The following PHAX variants were observed in gnomAD, a reference collection of about 807,000 sequenced individuals.
The protein encoded by PHAX is phosphorylated adaptor for RNA export.
A neutral mutation model predicts 41.6 loss-of-function variants in PHAX; 31 were observed. The ratio of observed to expected loss-of-function variants is 0.75; its 90% CI spans 0.56 to 1.01. The LOEUF is 1.01. Ranked by LOEUF, PHAX falls within the 50% of genes least tolerant of loss-of-function variation. PHAX has a pLI of 0.00. For missense variants in PHAX, 453 were observed against 472.9 expected (o/e 0.96, Z 0.39); for synonymous variants, 175 against 164.9 (o/e 1.06, Z -0.47).
At position 126,603,767 on chromosome 5, in the gene PHAX, G is replaced by A. The variant is rs936185718; in HGVS notation, c.294G>A (p.Gln98=). The change falls in exon 2 of 5, where the codon CAG becomes CAA. Residue 98 remains glutamine, a synonymous_variant. Transcript: ENST00000297540. The part of the protein sequence containing the change: ...FNPPPKPEPF[Q]FGQSSQKPPV... ...CTCCTCCCAAACCAGAGCCTTTTCA[G>A]TTTGGCCAGAGCAGTCAGAAACCAC... 6.2e-7 allele frequency: 1 copy of A among 1,614,162 alleles called. No homozygotes were observed. Among genetic ancestry groups the A allele is most frequent in the Non-Finnish European group, 8.5e-7 (1 of 1,180,042 alleles).
intron 3 of PHAX, among the ~76,000 whole-genome samples, chr5:126,613,216 G>A (rs1320044449): frequency 6.6e-6 from 1 of 152,086 alleles, no homozygotes; most frequent in African/African-American, 2.4e-5. Context: ...GGGTGTGGTG[G>A]CATGTGCCTG....
chr5:126,602,857 T>C (rs1443108215), intron 1 of PHAX, among the ~76,000 whole-genome samples: 1 of 151,818 alleles, frequency 6.6e-6, no homozygotes, highest in East Asian at 1.9e-4. Context: ...ACAAAAAAAT[T>C]AGCTGGGCGT....
intron 1 of PHAX, among the ~76,000 whole-genome samples, chr5:126,602,315 G>T (rs530830586): frequency 1.3e-5 from 2 of 152,252 alleles, no homozygotes; most frequent in Non-Finnish European, 2.9e-5. Flanking sequence ...CTTTGAGAGG[G>T]CGTTGGTGCC....
Position 126,624,747 on chromosome 5 carries a change from C to G in PHAX, c.1088C>G (p.Ala363Gly), listed in dbSNP as rs1752321257. ...TFASDTNEALASLDESQEGHA... is the reference protein window; with the variant it reads ...TFASDTNEALGSLDESQEGHA... ...GCAAGTGACACGAATGAGGCCTTGG[C>G]CTCTCTTGATGAGTCACAGGAAGGA... Residue 363 changes from alanine to glycine, a missense_variant, in exon 5 of 5, where the codon GCC (alanine) becomes GGC (glycine). Coordinates refer to ENST00000297540, the MANE Select transcript of PHAX (RefSeq NM_032177.4). 6.2e-7 allele frequency: 1 copy of G among 1,614,144 alleles called. No homozygotes were observed. The highest frequency in any genetic ancestry group is 2.2e-5 in the East Asian group (1 of 44,880).
chr5:126,604,272 T>C (rs1452829749), intron 2 of PHAX, 89 bp downstream of exon 2: 2 of 1,096,958 alleles, frequency 1.8e-6, no homozygotes, highest in African/African-American at 1.9e-5. Flanking sequence ...AATGATATGT[T>C]CCTTTTTTTT....
intron 3 of PHAX, among the ~76,000 whole-genome samples, chr5:126,615,203 A>C (rs1388202364): frequency 6.6e-6 from 1 of 152,178 alleles, no homozygotes; most frequent in South Asian, 2.1e-4. Context: ...TCCAGTGAAT[A>C]GTTATATCAT....
chr5:126,603,022 A>C (rs1751927978), intron 1 of PHAX, among the ~76,000 whole-genome samples: 1 of 145,120 alleles, frequency 6.9e-6, no homozygotes, highest in South Asian at 2.3e-4. Context: ...AAAAAAAAAA[A>C]TACATGCCCA....
intron 3 of PHAX, among the ~76,000 whole-genome samples, chr5:126,613,533 CT>C (rs747086782): frequency 2.0e-4 from 31 of 151,976 alleles, no homozygotes; most frequent in Non-Finnish European, 4.0e-4. Flanking sequence ...CAAAAATTAG[CT>C]GTATGTTGTG....
At chr5:126,615,532 C>A (rs1561681724) in intron 3 of PHAX, among the ~76,000 whole-genome samples, 1 of 147,578 alleles carries the variant, frequency 6.8e-6, no homozygotes, top group African/African-American at 2.6e-5. Context: ...TTTTTGCGCC[C>A]CTCTGGGGAT....
At position 126,624,937 on chromosome 5, in the gene PHAX, C is replaced by A; in HGVS notation, c.*93C>A. On this transcript the variant is annotated 3_prime_UTR_variant, in exon 5 of 5. Transcript: ENST00000297540. ...GATTGCAACGTTTTGCACTGATAAACATGAGAATCTGGAGGAAAGACAATT... is the reference window on the plus strand; with the variant it reads ...GATTGCAACGTTTTGCACTGATAAAAATGAGAATCTGGAGGAAAGACAATT... The A allele has an allele frequency of 9.1e-7, 1 of 1,103,872 alleles. No homozygotes were observed. Among genetic ancestry groups the A allele is most frequent in the Non-Finnish European group, 1.3e-6 (1 of 772,086 alleles). The allele number at this position is 1,103,872 out of a possible 1,614,324, so 68.4% of individuals were successfully genotyped here. A position where few individuals can be genotyped will look rare whatever the true frequency, so the allele number is the denominator to read the frequency against.
In PHAX at chr5:126,624,966, T is replaced by C. The variant is rs553622473; in HGVS notation, c.*122T>C. 151 of 880,604 alleles carry C rather than the reference T, an allele frequency of 1.7e-4. No homozygotes were observed. The highest frequency in any genetic ancestry group is 2.6e-4 in the Non-Finnish European group (150 of 583,642). 54.5% of individuals were successfully genotyped at this position (880,604 alleles called of 1,614,324 possible). ...AGAATCTGGAGGAAAGACAATTGTT[T>C]TCTTGTTTAAAATATGTGTGGAAAG... On this transcript the variant is annotated 3_prime_UTR_variant, in exon 5 of 5. Coordinates refer to ENST00000297540, the MANE Select transcript of PHAX (RefSeq NM_032177.4).
intron 2 of PHAX, among the ~76,000 whole-genome samples, chr5:126,606,895 G>GCA (rs1751998557): frequency 6.6e-6 from 1 of 151,968 alleles, no homozygotes; most frequent in African/African-American, 2.4e-5. Context: ...AACCTCAGAT[G>GCA]ATCCACCCCC....
Position 126,617,329 on chromosome 5 carries a change from T to C in PHAX, c.911T>C (p.Ile304Thr). 1.3e-6 allele frequency: 2 copies of C among 1,591,634 alleles called. No individual in the cohort carries two copies. Among genetic ancestry groups the C allele is most frequent in the Non-Finnish European group, 1.7e-6 (2 of 1,160,652 alleles). The change falls in exon 4 of 5, where the codon ATT becomes ACT. Residue 304 changes from isoleucine (I) to threonine (T), a missense_variant. Physicochemically the swap from Ile to Thr is moderately conservative, Grantham distance 89. Coordinates refer to ENST00000297540, the MANE Select transcript of PHAX (RefSeq NM_032177.4). Reference sequence around the variant, plus strand: ...ACTCCTAGTATCAGCGAGGAACAAATTAAGGTAATGATAATGTCCTCACCT... The same window carrying C: ...ACTCCTAGTATCAGCGAGGAACAAACTAAGGTAATGATAATGTCCTCACCT... ...KNTPSISEEQ[I>T]KDIFYIENQK... is the part of the protein sequence containing the mutation.
rs1371229283 is a variant in PHAX, at chr5:126,603,670, G to A, written c.197G>A (p.Ser66Asn). 6.2e-7 allele frequency: 1 copy of A among 1,614,110 alleles called. No homozygotes were observed. Among genetic ancestry groups the A allele is most frequent in the Non-Finnish European group, 8.5e-7 (1 of 1,180,046 alleles). ...HYRAVESVDSSEESFSDSDDD... is the reference protein window; with the variant it reads ...HYRAVESVDSNEESFSDSDDD... ...CGAGCTGTTGAAAGTGTGGATTCAA[G>A]TGAAGAAAGTTTTTCTGATTCAGAT... is the stretch of plus-strand genomic sequence containing the variant. The change falls in exon 2 of 5, where the codon AGT (serine) becomes AAT (asparagine). Residue 66 changes from serine to asparagine, a missense_variant. Physicochemically the swap from Ser to Asn is conservative, Grantham distance 46 (BLOSUM62 1). Coordinates refer to ENST00000297540, the MANE Select transcript of PHAX (RefSeq NM_032177.4).
intron 4 of PHAX, among the ~76,000 whole-genome samples, chr5:126,623,552 G>T (rs1290202781): frequency 6.6e-6 from 1 of 152,090 alleles, no homozygotes; most frequent in African/African-American, 2.4e-5. Flanking sequence ...CTTTTCTCAC[G>T]TATGTACCCT....
chr5:126,618,398 A>C (rs902132793), intron 4 of PHAX, among the ~76,000 whole-genome samples: 3 of 152,134 alleles, frequency 2.0e-5, no homozygotes, highest in African/African-American at 2.4e-5. Flanking sequence ...AAAATACAAA[A>C]AAAAAGTATC....
rs542421886 is a variant in PHAX, at chr5:126,625,200, A to T, written c.*356A>T. 1.0e-4 allele frequency: 18 copies of T among 179,510 alleles called. No individual in the cohort carries two copies. Among genetic ancestry groups the T allele is most frequent in the South Asian group, 5.3e-4 (3 of 5,662 alleles). The allele number at this position is 179,510 out of a possible 1,614,324, so 11.1% of individuals were successfully genotyped here. ...AGTGAATTATGCTTTGCTTTAAAAC[A>T]TTCCGCTAAAATCATAATGGGACAT... On this transcript the variant is annotated 3_prime_UTR_variant, in exon 5 of 5. Coordinates refer to ENST00000297540, the MANE Select transcript of PHAX (RefSeq NM_032177.4).
At chr5:126,619,059 T>C (rs1280827982) in intron 4 of PHAX, among the ~76,000 whole-genome samples, 1 of 152,104 alleles carries the variant, frequency 6.6e-6, no homozygotes, top group Non-Finnish European at 1.5e-5. Flanking sequence ...CCCAAGTAGC[T>C]GGGACAACAG....
At chr5:126,601,579 GCTCA>G (rs1319268293) in intron 1 of PHAX, among the ~76,000 whole-genome samples, 4 of 152,300 alleles carry the variant, frequency 2.6e-5, no homozygotes, top group Non-Finnish European at 4.4e-5. Context: ...GAAGTTTATC[GCTCA>G]CTCAAAGATC....
Sources: allele counts gnomAD v4.1 joint callset (sites outside exome capture counted in the v4.1 genomes callset), GRCh38; gene constraint gnomAD v4.1.1; transcripts MANE v1.5; gene names NCBI Gene and HGNC (gene_info 2026-07-23, HGNC 2026-07-21).